Variants in OTUD7A observed in about 807,000 individuals in gnomAD.
OTUD7A encodes OTU deubiquitinase 7A.
Under a neutral mutation model 65.7 loss-of-function variants are expected in OTUD7A, and 12 were observed. The ratio of observed to expected loss-of-function variants is 0.18; its 90% CI spans 0.12 to 0.30. The LOEUF is 0.30. OTUD7A is among the 10% of genes least tolerant of loss of function. The pLI, the probability that OTUD7A is intolerant of heterozygous loss-of-function variation, is 1.00. For missense variants in OTUD7A, 1,148 were observed against 1,304.8 expected (o/e 0.88, Z 1.85); for synonymous variants, 641 against 586.3 (o/e 1.09, Z -1.35).
At chr15:31,569,639 T>TG (rs1336627131) in intron 4 of OTUD7A, among the ~76,000 whole-genome samples, 1 of 152,314 alleles carries the variant, frequency 6.6e-6, no homozygotes, top group South Asian at 2.1e-4. Context: ...ATAGAGAAGA[T>TG]GGAGCGCATG....
At chr15:31,648,114 C>T (rs1891731862) in intron 3 of OTUD7A, among the ~76,000 whole-genome samples, 1 of 152,102 alleles carries the variant, frequency 6.6e-6, no homozygotes, top group Non-Finnish European at 1.5e-5. Context: ...TTTGGGAGAA[C>T]CACTTCAGGG....
intron 9 of OTUD7A, among the ~76,000 whole-genome samples, chr15:31,502,962 A>G (rs965392153): frequency 1.3e-5 from 2 of 152,224 alleles, no homozygotes; most frequent in Admixed American, 6.5e-5. Flanking sequence ...TGGAAGACCT[A>G]TGACTTTTGT....
intron 1 of OTUD7A, among the ~76,000 whole-genome samples, chr15:31,748,807 C>T (rs533750614): frequency 6.6e-6 from 1 of 152,184 alleles, no homozygotes; most frequent in African/African-American, 2.4e-5. Flanking sequence ...CATAGCATTC[C>T]TTTGCGTCAA....
chr15:31,808,138 A>ACACACACACACAC (rs56773953), intron 1 of OTUD7A, among the ~76,000 whole-genome samples: 31 of 113,594 alleles, frequency 2.7e-4, no homozygotes, highest in African/African-American at 1.0e-3. Context: ...CACACACACA[A>ACACACACACACAC]ACAAATCCTC....
chr15:31,785,004 C>T (rs1229685588), intron 1 of OTUD7A, among the ~76,000 whole-genome samples: 8 of 152,116 alleles, frequency 5.3e-5, no homozygotes, highest in Non-Finnish European at 7.4e-5. Context: ...ACAGATAACA[C>T]GAACACATGA....
chr15:31,555,622 G>A (rs1888463590), intron 5 of OTUD7A, among the ~76,000 whole-genome samples: 1 of 152,156 alleles, frequency 6.6e-6, no homozygotes, highest in South Asian at 2.1e-4. Context: ...TGGGCTGTGG[G>A]AGACCCTTTA....
intron 1 of OTUD7A, among the ~76,000 whole-genome samples, chr15:31,853,742 A>C (rs1047689030): frequency 1.3e-5 from 2 of 152,240 alleles, no homozygotes; most frequent in Non-Finnish European, 2.9e-5. Flanking sequence ...CCTTAGACAA[A>C]GGGAATTCAT....
intron 3 of OTUD7A, among the ~76,000 whole-genome samples, chr15:31,637,021 G>C (rs551319957): frequency 6.6e-6 from 1 of 152,200 alleles, no homozygotes; most frequent in Admixed American, 6.5e-5. Flanking sequence ...AGTGCTGATG[G>C]AGAAGCTGCA....
At chr15:31,499,741 C>T (rs1325603950) in intron 10 of OTUD7A, among the ~76,000 whole-genome samples, 2 of 152,222 alleles carry the variant, frequency 1.3e-5, no homozygotes, top group East Asian at 1.9e-4. Flanking sequence ...GGACCTGCAT[C>T]GCCCCAGGAG....
chr15:31,656,520 C>G (rs1304489024), intron 2 of OTUD7A, among the ~76,000 whole-genome samples: 2 of 152,170 alleles, frequency 1.3e-5, no homozygotes, highest in African/African-American at 4.8e-5. Flanking sequence ...CTTCCTGGAA[C>G]TTTATGGAAA....
At chr15:31,684,794 T>A (rs185823536) in intron 1 of OTUD7A, among the ~76,000 whole-genome samples, 6,784 of 148,384 alleles carry the variant, frequency 0.046, 527 homozygotes, top group African/African-American at 0.16. Flanking sequence ...GTATTTTGTT[T>A]ATTAACAGCA....
At chr15:31,612,765 G>A (rs758279131) in intron 3 of OTUD7A, among the ~76,000 whole-genome samples, 4 of 152,034 alleles carry the variant, frequency 2.6e-5, no homozygotes, top group Admixed American at 6.6e-5. Context: ...AAATACCATC[G>A]TCATTCTTCA....
At chr15:31,545,958 A>G (rs1042234186) in intron 5 of OTUD7A, among the ~76,000 whole-genome samples, 4 of 152,222 alleles carry the variant, frequency 2.6e-5, no homozygotes, top group African/African-American at 9.6e-5. Context: ...AAAATTCCAT[A>G]AAGTTCCAAA....
chr15:31,483,705 C>G lies in OTUD7A; in HGVS notation c.2391G>C (p.Ala797=), dbSNP rs1360087831. The change falls in exon 13 of 13, where the codon GCG becomes GCC. Residue 797 remains alanine, a synonymous_variant. Coordinates refer to ENST00000307050, the MANE Select transcript of OTUD7A (RefSeq NM_001382637.1). ...GCGGGTACGTGGCGCACGGCCGCAG[C>G]GCCCCCACGGCCGGCGCGCACGCCT... ...RDEACAPAVG[A]LRPCATYPQQ... 1.7e-6 allele frequency: 2 copies of G among 1,149,678 alleles called. No homozygotes were observed. The highest frequency in any genetic ancestry group is 2.1e-6 in the Non-Finnish European group (2 of 936,998). The allele number at this position is 1,149,678 out of a possible 1,614,324, so 71.2% of individuals were successfully genotyped here. A position where few individuals can be genotyped will look rare whatever the true frequency, so the allele number is the denominator to read the frequency against.
chr15:31,569,892 T>G, intron 4 of OTUD7A, 126 bp downstream of exon 4: 2 of 987,922 alleles, frequency 2.0e-6, no homozygotes, highest in Non-Finnish European at 3.0e-6. Context: ...AAGAAGGCAC[T>G]GAGAGGCCAA....
chr15:31,646,614 C>T (rs1396134169), intron 3 of OTUD7A, among the ~76,000 whole-genome samples: 1 of 151,966 alleles, frequency 6.6e-6, no homozygotes, highest in Non-Finnish European at 1.5e-5. Flanking sequence ...GTATGCACCA[C>T]CACGCCTGGC....
chr15:31,772,866 G>T (rs1466588639), intron 1 of OTUD7A, among the ~76,000 whole-genome samples: 1 of 152,102 alleles, frequency 6.6e-6, no homozygotes, highest in Non-Finnish European at 1.5e-5. Flanking sequence ...ATTTTTACCT[G>T]TTAATTTGCA....
intron 1 of OTUD7A, among the ~76,000 whole-genome samples, chr15:31,847,174 C>T (rs566168240): frequency 1.3e-5 from 2 of 152,180 alleles, no homozygotes; most frequent in Non-Finnish European, 2.9e-5. Flanking sequence ...TGCAGTGGAC[C>T]CTTTCCATAA....
intron 1 of OTUD7A, among the ~76,000 whole-genome samples, chr15:31,770,297 G>A (rs1326777946): frequency 1.3e-5 from 2 of 152,140 alleles, no homozygotes; most frequent in African/African-American, 2.4e-5. Flanking sequence ...ACTACTTTAT[G>A]TAAAAAAGTC....
Sources: allele counts gnomAD v4.1 joint callset (sites outside exome capture counted in the v4.1 genomes callset), GRCh38; gene constraint gnomAD v4.1.1; transcripts MANE v1.5; gene names NCBI Gene and HGNC (gene_info 2026-07-23, HGNC 2026-07-21).